The following NT5DC1 variants were observed in gnomAD, a reference collection of about 807,000 sequenced individuals.
NT5DC1 encodes the protein 5'-nucleotidase domain containing 1.
NT5DC1 carries 42 observed loss-of-function variants against 59.4 expected under a neutral mutation model. The observed-to-expected ratio is 0.71, with a 90% CI of 0.55 to 0.92. NT5DC1 has a LOEUF of 0.92. Ranked by LOEUF, NT5DC1 falls within the 40% of genes least tolerant of loss-of-function variation. NT5DC1 has a pLI of 0.00. For missense variants in NT5DC1, 501 were observed against 537.1 expected (o/e 0.93, Z 0.66); for synonymous variants, 172 against 188.1 (o/e 0.91, Z 0.70).
At chr6:116,116,448 C>A (rs967750471) in intron 5 of NT5DC1, among the ~76,000 whole-genome samples, 2 of 152,164 alleles carry the variant, frequency 1.3e-5, no homozygotes, top group African/African-American at 4.8e-5. Context: ...TCGAGACCAG[C>A]CTGGCCAATA....
At chr6:116,236,921 T>C (rs773703129) in intron 8 of NT5DC1, 45 bp from the exon 9 acceptor site, 1 of 1,259,084 alleles carries the variant, frequency 7.9e-7, no homozygotes, top group Non-Finnish European at 1.2e-6. Flanking sequence ...AACTGGCTAC[T>C]CTCACTTGAT....
intron 2 of NT5DC1, among the ~76,000 whole-genome samples, chr6:116,107,537 TTCTTTTTA>T (rs1381841321): frequency 7.2e-6 from 1 of 139,606 alleles, no homozygotes; most frequent in Non-Finnish European, 1.5e-5. Flanking sequence ...TTTAGTGGTT[TTCTTTTTA>T]TTTTATTTTA....
At position 116,223,019 on chromosome 6, in the gene NT5DC1, T is replaced by C. The variant is rs1781839107; in HGVS notation, c.705-15T>C. 1 of 1,374,900 alleles carries C rather than the reference T, an allele frequency of 7.3e-7. No individual in the cohort carries two copies. Among genetic ancestry groups the C allele is most frequent in the South Asian group, 1.2e-5 (1 of 83,682 alleles). 85.2% of individuals were successfully genotyped at this position (1,374,900 alleles called of 1,614,324 possible). ...ATTCTTAAAATAAACTTATGAAAAA[T>C]TGTGTTGCTTTTAGGAATGATTTTA... On this transcript the variant is annotated splice_polypyrimidine_tract_variant and intron_variant, in intron 7 of 11. Transcript: ENST00000319550.
chr6:116,193,353 G>A (rs969086114), intron 6 of NT5DC1, among the ~76,000 whole-genome samples: 1 of 152,004 alleles, frequency 6.6e-6, no homozygotes, highest in South Asian at 2.1e-4. Context: ...TAAACAAAAG[G>A]CAGGAAGAGC....
At chr6:116,119,998 T>C in intron 6 of NT5DC1, 1 of 1,224,964 alleles carries the variant, frequency 8.2e-7, no homozygotes, top group Non-Finnish European at 1.2e-6. Context: ...CCTACCTCCA[T>C]ATGCATTTTG....
chr6:116,151,194 C>T (rs1332809460), intron 6 of NT5DC1, among the ~76,000 whole-genome samples: 2 of 152,158 alleles, frequency 1.3e-5, no homozygotes, highest in African/African-American at 4.8e-5. Flanking sequence ...ACTTCAGTGC[C>T]TGCACCATCA....
In NT5DC1 at chr6:116,120,097, T is replaced by C. The variant is rs1175947967; in HGVS notation, c.529+2152T>C. On this transcript the variant is annotated intron_variant, in intron 6 of 11. Transcript: ENST00000319550. The stretch of plus-strand genomic sequence containing the variant: ...CTCACATTGGAGCCACTAGGAATCC[T>C]GAGAAAGAGGAGTGGACATACTCAG... 2 of 1,614,006 alleles carry C rather than the reference T, an allele frequency of 1.2e-6. No individual in the cohort carries two copies. Among genetic ancestry groups the C allele is most frequent in the African/African-American group, 2.7e-5 (2 of 74,900 alleles).
intron 11 of NT5DC1, among the ~76,000 whole-genome samples, chr6:116,242,856 AT>A (rs1009212777): frequency 2.6e-5 from 4 of 151,946 alleles, no homozygotes; most frequent in African/African-American, 9.7e-5. Context: ...TAGCCCCTCA[AT>A]TTTTGTCTCT....
At chr6:116,145,467 G>T (rs971718066) in intron 6 of NT5DC1, 1 of 383,922 alleles carries the variant, frequency 2.6e-6, no homozygotes, top group Non-Finnish European at 5.8e-6. Context: ...CTTGCTTCAG[G>T]ATATATCTAC....
intron 4 of NT5DC1, among the ~76,000 whole-genome samples, chr6:116,112,401 C>T (rs754809417): frequency 3.9e-5 from 6 of 152,046 alleles, no homozygotes; most frequent in Non-Finnish European, 5.9e-5. Context: ...AGTTTGTTTA[C>T]GTTAAATATT....
At chr6:116,175,942 T>G (rs755562571) in intron 6 of NT5DC1, among the ~76,000 whole-genome samples, 9 of 152,138 alleles carry the variant, frequency 5.9e-5, no homozygotes, top group Non-Finnish European at 1.0e-4. Context: ...AGCGCTGGGT[T>G]GTTTGGGGGC....
intron 6 of NT5DC1, among the ~76,000 whole-genome samples, chr6:116,144,930 T>C (rs1488067373): frequency 1.3e-5 from 2 of 152,146 alleles, no homozygotes; most frequent in African/African-American, 4.8e-5. Flanking sequence ...AGTTACTGGA[T>C]TTGTTCTAAA....
rs959856819 is a variant in NT5DC1, at chr6:116,111,766, G to A, written c.364+810G>A. Among the ~76,000 whole-genome samples, 52 of 152,096 alleles carry A rather than the reference G, an allele frequency of 3.4e-4. 1 individual carries two copies. The highest frequency in any genetic ancestry group is 3.4e-3 in the Admixed American group (52 of 15,266). On this transcript the variant is annotated intron_variant, in intron 4 of 11. Transcript: ENST00000319550. ...TTGTTTGCTTGTTTGTTTTTATAGC[G>A]AGCTGAAAATGTCAGGAAGTATGAG...
chr6:116,127,762 G>A (rs1363588331), intron 6 of NT5DC1, among the ~76,000 whole-genome samples: 1 of 152,088 alleles, frequency 6.6e-6, no homozygotes, highest in African/African-American at 2.4e-5. Context: ...CACACATACT[G>A]CTATTTGCTT....
rs118112281 is a variant in NT5DC1 at position 116,125,714 on chromosome 6, A to C, written c.529+7769A>C. 1,945 of 401,222 alleles carry C rather than the reference A, an allele frequency of 4.8e-3. 7 individuals carry two copies. The highest frequency in any genetic ancestry group is 6.4e-3 in the Non-Finnish European group (1,422 of 221,544). The allele number at this position is 401,222 out of a possible 1,614,324, so 24.9% of individuals were successfully genotyped here. On this transcript the variant is annotated intron_variant, in intron 6 of 11. Transcript: ENST00000319550. Reference sequence around the variant, plus strand: ...TATTTTTGGAAGCTATACTCAGGTAATCAAGTGAAAATAAAATGATTTACC... The same window carrying C: ...TATTTTTGGAAGCTATACTCAGGTACTCAAGTGAAAATAAAATGATTTACC...
intron 6 of NT5DC1, among the ~76,000 whole-genome samples, chr6:116,186,256 T>C (rs1165468697): frequency 6.6e-6 from 1 of 152,058 alleles, no homozygotes; most frequent in East Asian, 1.9e-4. Context: ...TCTGATAGGT[T>C]TTCCTTTAAA....
chr6:116,110,025 T>C (rs1778842847), intron 3 of NT5DC1, among the ~76,000 whole-genome samples: 1 of 152,170 alleles, frequency 6.6e-6, no homozygotes, highest in Non-Finnish European at 1.5e-5. Flanking sequence ...AATGATAAGG[T>C]TTAATAGATA....
chr6:116,172,314 T>C (rs920783285), intron 6 of NT5DC1, among the ~76,000 whole-genome samples: 35 of 140,128 alleles, frequency 2.5e-4, no homozygotes, highest in Non-Finnish European at 4.0e-4. Flanking sequence ...AACCCCTTAG[T>C]AACTTTTTTT....
chr6:116,195,875 A>G (rs1781215970), intron 6 of NT5DC1, among the ~76,000 whole-genome samples: 1 of 152,038 alleles, frequency 6.6e-6, no homozygotes, highest in African/African-American at 2.4e-5. Flanking sequence ...GAAGAGACCA[A>G]AAAGCTATTT....
Sources: allele counts gnomAD v4.1 joint callset (sites outside exome capture counted in the v4.1 genomes callset), GRCh38; gene constraint gnomAD v4.1.1; transcripts MANE v1.5; gene names NCBI Gene and HGNC (gene_info 2026-07-23, HGNC 2026-07-21).